The following VAT1L variants were observed in gnomAD, a reference collection of about 807,000 sequenced individuals.
VAT1L encodes the protein vesicle amine transport 1 like.
VAT1L carries 34 observed loss-of-function variants against 44.1 expected under a neutral mutation model. The observed-to-expected ratio is 0.77, with a 90% CI of 0.59 to 1.03. The LOEUF (loss-of-function observed/expected upper bound fraction) is 1.03. VAT1L is among the 50% of genes least tolerant of loss of function. The probability of loss-of-function intolerance (pLI) is 0.00; values close to 1 mark genes in which losing one functional copy is unlikely to be tolerated. For synonymous variants in VAT1L, 253 were observed against 202.2 expected, an observed-to-expected ratio of 1.25 and a Z score of -2.13; for missense variants, 615 against 538.8, an observed-to-expected ratio of 1.14 and a Z score of -1.40.
intron 7 of VAT1L, among the ~76,000 whole-genome samples, chr16:77,971,198 A>G (rs1348943072): frequency 2.0e-5 from 3 of 152,164 alleles, no homozygotes; most frequent in African/African-American, 7.2e-5. Flanking sequence ...GAAATGCTCA[A>G]AAGGCAAATT....
intron 7 of VAT1L, among the ~76,000 whole-genome samples, chr16:77,893,585 C>G (rs1018751237): frequency 6.6e-6 from 1 of 152,236 alleles, no homozygotes; most frequent in Non-Finnish European, 1.5e-5. Context: ...ACTGCTACTA[C>G]TATTACTACT....
chr16:77,905,089 A>G (rs16946785), intron 7 of VAT1L, among the ~76,000 whole-genome samples: 1 of 152,024 alleles, frequency 6.6e-6, no homozygotes, highest in African/African-American at 2.4e-5. Context: ...TTCAAATCTG[A>G]CTAATGTGGT....
intron 7 of VAT1L, among the ~76,000 whole-genome samples, chr16:77,903,940 G>A (rs906499814): frequency 1.3e-5 from 2 of 151,848 alleles, no homozygotes; most frequent in African/African-American, 4.8e-5. Flanking sequence ...GTTTCACCAT[G>A]TTAGCAAGGA....
intron 7 of VAT1L, among the ~76,000 whole-genome samples, chr16:77,941,778 A>T (rs1390652033): frequency 6.6e-6 from 1 of 152,004 alleles, no homozygotes; most frequent in Non-Finnish European, 1.5e-5. Flanking sequence ...TGGTAGAAAC[A>T]GGGTTTCACC....
At chr16:77,923,445 G>A (rs893454628) in intron 7 of VAT1L, among the ~76,000 whole-genome samples, 1 of 152,192 alleles carries the variant, frequency 6.6e-6, no homozygotes, top group Non-Finnish European at 1.5e-5. Context: ...GCAAGACTCT[G>A]TCATGGATGA....
intron 4 of VAT1L, 49 bp downstream of exon 4, chr16:77,862,939 C>T: frequency 6.3e-7 from 1 of 1,592,460 alleles, no homozygotes; most frequent in Non-Finnish European, 8.6e-7. Flanking sequence ...TTGCTCTGCT[C>T]TCAAAGAGCA....
At chr16:77,871,529 A>G (rs936786119) in intron 4 of VAT1L, among the ~76,000 whole-genome samples, 1 of 152,132 alleles carries the variant, frequency 6.6e-6, no homozygotes, top group African/African-American at 2.4e-5. Flanking sequence ...ATGAAACCCT[A>G]ATTCACCTTT....
At chr16:77,819,243 A>T (rs549965044) in intron 2 of VAT1L, among the ~76,000 whole-genome samples, 1 of 152,188 alleles carries the variant, frequency 6.6e-6, no homozygotes, top group South Asian at 2.1e-4. Flanking sequence ...CTCTGTGCTG[A>T]CCCTGGAGGC....
intron 3 of VAT1L, among the ~76,000 whole-genome samples, chr16:77,833,294 G>A (rs1428207767): frequency 1.3e-5 from 2 of 152,188 alleles, no homozygotes; most frequent in African/African-American, 2.4e-5. Flanking sequence ...GCTACACCAG[G>A]GAGATACAAG....
chr16:77,979,900 G>A lies in VAT1L; in HGVS notation c.*2205G>A, dbSNP rs578110122. 1 of 152,676 alleles carries A rather than the reference G, an allele frequency of 6.5e-6. No homozygotes were observed. The highest frequency in any genetic ancestry group is 2.1e-4 in the South Asian group (1 of 4,816). The allele number at this position is 152,676 out of a possible 1,614,324, so 9.5% of individuals were successfully genotyped here. A position where few individuals can be genotyped will look rare whatever the true frequency, so the allele number is the denominator to read the frequency against. Reference sequence around the variant, plus strand: ...TTAAGCACCTTCTTTCCTGTCTCTTGATTGTTTTTTCTGAAGGAAGTGTAA... The same window carrying A: ...TTAAGCACCTTCTTTCCTGTCTCTTAATTGTTTTTTCTGAAGGAAGTGTAA... On this transcript the variant is annotated 3_prime_UTR_variant, in exon 9 of 9. Transcript: ENST00000302536.
chr16:77,799,571 GA>G (rs1345237419), intron 1 of VAT1L, among the ~76,000 whole-genome samples: 1 of 150,056 alleles, frequency 6.7e-6, no homozygotes, highest in Admixed American at 6.7e-5. Flanking sequence ...TGTATTGGGG[GA>G]AAAGGAGAGG....
chr16:77,887,491 T>A (rs1009116723), intron 7 of VAT1L, among the ~76,000 whole-genome samples: 1 of 152,126 alleles, frequency 6.6e-6, no homozygotes, highest in African/African-American at 2.4e-5. Context: ...AGCCTCCCAA[T>A]GGAGAAGCTC....
chr16:77,897,855 C>G (rs80052491), intron 7 of VAT1L, among the ~76,000 whole-genome samples: 5,768 of 152,260 alleles, frequency 0.038, 373 homozygotes, highest in African/African-American at 0.13. Context: ...TTTTCCTCCC[C>G]TATAAAATAG....
chr16:77,937,751 G>A (rs1265090159), intron 7 of VAT1L, among the ~76,000 whole-genome samples: 2 of 152,282 alleles, frequency 1.3e-5, no homozygotes, highest in African/African-American at 2.4e-5. Flanking sequence ...TTCTCAGACC[G>A]GGAGAAGGAC....
At chr16:77,939,603 C>T (rs548432832) in intron 7 of VAT1L, among the ~76,000 whole-genome samples, 1 of 152,178 alleles carries the variant, frequency 6.6e-6, no homozygotes, top group African/African-American at 2.4e-5. Flanking sequence ...TCTTCTCTTG[C>T]TTCCTGGGTA....
chr16:77,941,163 A>G (rs1394133755), intron 7 of VAT1L, among the ~76,000 whole-genome samples: 1 of 152,150 alleles, frequency 6.6e-6, no homozygotes, highest in Non-Finnish European at 1.5e-5. Flanking sequence ...TTCTTGTACT[A>G]AGGTGGTACC....
In VAT1L at chr16:77,842,745, A is replaced by G. The variant is rs139932900; in HGVS notation, c.579+17284A>G. ...CTCTGCTCTCTCTACTCCCAGCCCC[A>G]CTAATTGAGTTTTATTCACAACTCC... On this transcript the variant is annotated intron_variant, in intron 3 of 8. Coordinates refer to ENST00000302536, the MANE Select transcript of VAT1L (RefSeq NM_020927.3). Among the ~76,000 whole-genome samples, 34 of 152,320 alleles carry G rather than the reference A, an allele frequency of 2.2e-4. No homozygotes were observed. In the East Asian group the frequency reaches 5.4e-3, roughly 24 times the overall value.
At chr16:77,975,246 G>T (rs1178852814) in intron 8 of VAT1L, among the ~76,000 whole-genome samples, 1 of 107,678 alleles carries the variant, frequency 9.3e-6, no homozygotes, top group East Asian at 3.2e-4. Context: ...GTCTCATTCT[G>T]TCACCCAGGC....
chr16:77,904,630 G>A (rs1378321506), intron 7 of VAT1L, among the ~76,000 whole-genome samples: 1 of 152,160 alleles, frequency 6.6e-6, no homozygotes, highest in Non-Finnish European at 1.5e-5. Flanking sequence ...TCTAACCATT[G>A]CATTGGGGTT....
Sources: gnomAD v4.1 joint callset for allele counts (sites outside exome capture counted in the v4.1 genomes callset) on GRCh38, gnomAD v4.1.1 for gene constraint, MANE v1.5 for transcripts, NCBI Gene and HGNC (gene_info 2026-07-23, HGNC 2026-07-21) for gene names.